KIF4A: variants seen among roughly 807,000 people sequenced by gnomAD.
The protein encoded by KIF4A is kinesin family member 4A.
In KIF4A, 7 loss-of-function variants were observed where a neutral mutation model predicts 105.9. The ratio of observed to expected loss-of-function variants is 0.07; its 90% CI spans 0.04 to 0.12. The LOEUF is 0.12. Ranked by LOEUF, KIF4A falls within the 10% of genes least tolerant of loss-of-function variation. The pLI is 1.00. For missense variants in KIF4A, 558 were observed against 929.2 expected, an observed-to-expected ratio of 0.60 and a Z score of 5.19; for synonymous variants, 281 against 331.3, an observed-to-expected ratio of 0.85 and a Z score of 1.65.
chrX:70,385,366 G>A (rs2086213845), intron 18 of KIF4A, among the ~76,000 whole-genome samples: 1 of 112,169 alleles, frequency 8.9e-6, no homozygotes, highest in East Asian at 2.8e-4. Flanking sequence ...CTTTCAAAAA[G>A]TCTGGTACTA....
intron 13 of KIF4A, among the ~76,000 whole-genome samples, chrX:70,344,601 T>TA (rs367804409): frequency 3.6e-5 from 4 of 110,779 alleles, no homozygotes; most frequent in African/African-American, 9.9e-5. Context: ...TATATGCTTT[T>TA]AAAAAAAACA....
intron 28 of KIF4A, among the ~76,000 whole-genome samples, chrX:70,409,682 A>G (rs1215344253): frequency 1.8e-5 from 2 of 109,632 alleles, no homozygotes; most frequent in African/African-American, 6.7e-5. Flanking sequence ...CTGTAATCGC[A>G]GCTACTTGGG....
intron 15 of KIF4A, among the ~76,000 whole-genome samples, chrX:70,369,957 G>C (rs779629346): frequency 9.0e-6 from 1 of 111,239 alleles, no homozygotes; most frequent in African/African-American, 3.3e-5. Flanking sequence ...CCATAAGATT[G>C]TAATACTGTA....
chrX:70,317,909 A>C (rs2085876104), intron 7 of KIF4A, among the ~76,000 whole-genome samples: 2 of 89,586 alleles, frequency 2.2e-5, no homozygotes, highest in African/African-American at 4.3e-5. Context: ...ATGGAGTCTC[A>C]CTCCATTGCC....
intron 8 of KIF4A, 93 bp downstream of exon 8, chrX:70,329,614 G>A (rs962374707): frequency 1.5e-6 from 1 of 671,697 alleles, no homozygotes; most frequent in South Asian, 2.6e-5. Flanking sequence ...CAGCTATTTG[G>A]ACTATGACAT....
chrX:70,385,682 G>C (rs926237002), intron 18 of KIF4A, among the ~76,000 whole-genome samples: 3 of 111,615 alleles, frequency 2.7e-5, no homozygotes, highest in African/African-American at 9.8e-5. Flanking sequence ...ATTCTATCCA[G>C]ATTGGATTGG....
intron 20 of KIF4A, among the ~76,000 whole-genome samples, chrX:70,395,071 C>T (rs1315726649): frequency 2.7e-5 from 3 of 111,568 alleles, no homozygotes; most frequent in Admixed American, 9.5e-5. Context: ...CATGGTGAAA[C>T]CCCATCTGTA....
chrX:70,367,834 C>T (rs1202132157), intron 15 of KIF4A, among the ~76,000 whole-genome samples: 2 of 111,906 alleles, frequency 1.8e-5, no homozygotes, highest in African/African-American at 3.2e-5. Flanking sequence ...TGGATAATAT[C>T]CTACAGAGTG....
intron 15 of KIF4A, among the ~76,000 whole-genome samples, chrX:70,358,077 ATT>A (rs1364358516): frequency 2.7e-5 from 3 of 110,073 alleles, no homozygotes; most frequent in Non-Finnish European, 3.8e-5. Flanking sequence ...TGCCTGGCTA[ATT>A]TTTTATTTTT....
intron 15 of KIF4A, among the ~76,000 whole-genome samples, chrX:70,363,241 T>C (rs1442398653): frequency 1.6e-5 from 1 of 60,737 alleles, no homozygotes; most frequent in Non-Finnish European, 4.5e-5. Flanking sequence ...AGAAACTATT[T>C]TTCTTTTTTT....
At position 70,302,548 on chromosome X, in the gene KIF4A, GTT is replaced by G. The variant is rs1417621039; in HGVS notation, c.778+152_778+153del. 5 of 535,362 alleles carry G rather than the reference GTT, an allele frequency of 9.3e-6. No individual in the cohort carries two copies. The East Asian group carries it at 1.9e-4, about 21-fold the overall frequency. 44.1% of individuals were successfully genotyped at this position (535,362 alleles called of 1,213,427 possible). ...CTGAGTTCAGAAATAGCGAAAAATT[GTT>G]TCTTTCCCTTGCTCTCATTCTCTAA... On this transcript the variant is annotated intron_variant, in intron 7 of 30. Transcript: ENST00000374403.
chrX:70,418,045 T>G (rs1222582814), intron 29 of KIF4A, 41 bp downstream of exon 29: 1 of 1,047,749 alleles, frequency 9.5e-7, no homozygotes, highest in Non-Finnish European at 1.3e-6. Context: ...CCTTCAGACC[T>G]TCCTCTAGTT....
rs779475610 is a variant in KIF4A at position 70,290,782 on chromosome X, C to A, written c.212C>A (p.Pro71Gln). The change falls in exon 3 of 31, where the codon CCA becomes CAA. Residue 71 changes from proline (P) to glutamine (Q), a missense_variant. This residue lies in a region of KIF4A where 89 missense variants were observed against 248.8 expected (regional missense o/e 0.36). Transcript: ENST00000374403. ...GAAGTCTTCAATACAGCAGTAGCGC[C>A]ACTCATAAAAGGTGTATTTAAAGGT... ...QEEVFNTAVA[P>Q]LIKGVFKGYN... 1.7e-6 allele frequency: 2 copies of A among 1,193,592 alleles called. No individual in the cohort carries two copies. Among genetic ancestry groups the A allele is most frequent in the Non-Finnish European group, 2.3e-6 (2 of 879,035 alleles).
At chrX:70,362,289 T>A (rs2086079295) in intron 15 of KIF4A, 1 of 348,191 alleles carries the variant, frequency 2.9e-6, no homozygotes, top group Admixed American at 2.9e-5. Context: ...CACCATGTAC[T>A]GGAAACTCAG....
intron 15 of KIF4A, among the ~76,000 whole-genome samples, chrX:70,356,196 C>T (rs7891901): frequency 4.5e-5 from 5 of 110,430 alleles, no homozygotes. Context: ...GGGAGGATCA[C>T]CTGAGCACAG....
At chrX:70,327,199 C>A (rs1322959858) in intron 7 of KIF4A, among the ~76,000 whole-genome samples, 1 of 111,945 alleles carries the variant, frequency 8.9e-6, no homozygotes, top group South Asian at 3.7e-4. Flanking sequence ...GGCTTTCCTT[C>A]ATATCCTAGA....
chrX:70,322,472 C>T (rs1040239064), intron 7 of KIF4A, among the ~76,000 whole-genome samples: 5 of 108,482 alleles, frequency 4.6e-5, no homozygotes, highest in Admixed American at 3.0e-4. Context: ...CCACCACGCC[C>T]GGCTAATTTT....
chrX:70,394,053 A>G (rs1276345193), intron 20 of KIF4A, among the ~76,000 whole-genome samples: 1 of 107,977 alleles, frequency 9.3e-6, no homozygotes, highest in Non-Finnish European at 1.9e-5. Flanking sequence ...TTTTGTAGAG[A>G]TGGGGTTTCA....
intron 18 of KIF4A, among the ~76,000 whole-genome samples, chrX:70,379,750 C>T (rs1406704688): frequency 2.8e-5 from 3 of 106,173 alleles, no homozygotes; most frequent in Non-Finnish European, 3.9e-5. Flanking sequence ...AAGATCACAC[C>T]GCTGCACTCC....
Sources: gnomAD v4.1 joint callset for allele counts (sites outside exome capture counted in the v4.1 genomes callset) on GRCh38, gnomAD v4.1.1 for gene constraint, gnomAD v4.1.1 regional missense constraint, MANE v1.5 for transcripts, NCBI Gene and HGNC (gene_info 2026-07-23, HGNC 2026-07-21) for gene names.